The following ADAM22 variants were observed in gnomAD, a reference collection of about 807,000 sequenced individuals.
ADAM22 encodes the protein disintegrin and metalloproteinase domain-containing protein 22.
ADAM22 carries 65 observed loss-of-function variants against 144.6 expected under a neutral mutation model. The ratio of observed to expected loss-of-function variants is 0.45; its 90% CI spans 0.37 to 0.55. The LOEUF (loss-of-function observed/expected upper bound fraction) is 0.55. Ranked by LOEUF, ADAM22 falls within the 20% of genes least tolerant of loss-of-function variation. The pLI is 0.00. For synonymous variants in ADAM22, 391 were observed against 412.6 expected (o/e 0.95, Z 0.63); for missense variants, 974 against 1,184.9 (o/e 0.82, Z 2.61).
chr7:88,032,715 C>T (rs1800593047), intron 3 of ADAM22, among the ~76,000 whole-genome samples: 1 of 152,022 alleles, frequency 6.6e-6, no homozygotes, highest in South Asian at 2.1e-4. Context: ...AATTATAATT[C>T]CCAGTGTTGG....
chr7:87,978,221 T>C (rs1360987326), intron 2 of ADAM22, 115 bp from the exon 3 acceptor site: 2 of 805,474 alleles, frequency 2.5e-6, no homozygotes, highest in Non-Finnish European at 3.9e-6. Context: ...TTATTCTCCA[T>C]GTTGAATTAT....
chr7:87,955,621 C>T (rs1846473493), intron 2 of ADAM22, among the ~76,000 whole-genome samples: 1 of 152,198 alleles, frequency 6.6e-6, no homozygotes, highest in South Asian at 2.1e-4. Context: ...GTTCTCAGAT[C>T]TCCAGCTGCG....
At chr7:87,958,624 T>A (rs1014840438) in intron 2 of ADAM22, among the ~76,000 whole-genome samples, 11 of 152,142 alleles carry the variant, frequency 7.2e-5, no homozygotes, top group Admixed American at 5.2e-4. Context: ...GACCCTGTGA[T>A]CTGCCCTCTT....
intron 4 of ADAM22, among the ~76,000 whole-genome samples, chr7:88,077,919 A>C (rs191897172): frequency 6.6e-6 from 1 of 152,210 alleles, no homozygotes; most frequent in African/African-American, 2.4e-5. Flanking sequence ...CTCTGGGGGC[A>C]GGGCACAGAC....
chr7:87,965,786 C>T, intron 2 of ADAM22, among the ~76,000 whole-genome samples: 1 of 152,212 alleles, frequency 6.6e-6, no homozygotes, highest in East Asian at 1.9e-4. Flanking sequence ...ATTATTTGGA[C>T]ATGGCTTACT....
intron 3 of ADAM22, among the ~76,000 whole-genome samples, chr7:88,017,150 AT>A (rs1796714557): frequency 6.6e-6 from 1 of 152,190 alleles, no homozygotes; most frequent in Non-Finnish European, 1.5e-5. Context: ...AAAATTAAAA[AT>A]AAAAAAATAC....
chr7:88,067,715 C>G (rs1178210428), intron 3 of ADAM22, among the ~76,000 whole-genome samples: 1 of 152,076 alleles, frequency 6.6e-6, no homozygotes, highest in Non-Finnish European at 1.5e-5. Context: ...ATGATAGTGG[C>G]AGGCTCAGCT....
At chr7:87,973,791 A>G (rs1271444820) in intron 2 of ADAM22, among the ~76,000 whole-genome samples, 2 of 152,310 alleles carry the variant, frequency 1.3e-5, no homozygotes, top group African/African-American at 4.8e-5. Flanking sequence ...CTTTGTAGGG[A>G]CATGGATGAA....
At chr7:88,012,996 G>A (rs865934690) in intron 3 of ADAM22, among the ~76,000 whole-genome samples, 1 of 152,172 alleles carries the variant, frequency 6.6e-6, no homozygotes, top group Non-Finnish European at 1.5e-5. Context: ...CGGGGGACCA[G>A]GGAAATCTTC....
At chr7:88,032,994 A>G (rs889482056) in intron 3 of ADAM22, among the ~76,000 whole-genome samples, 5 of 152,340 alleles carry the variant, frequency 3.3e-5, no homozygotes, top group African/African-American at 7.2e-5. Context: ...TCTTTTCTAC[A>G]TAAATTACCC....
chr7:88,056,729 A>G (rs1458746659), intron 3 of ADAM22, among the ~76,000 whole-genome samples: 3 of 152,218 alleles, frequency 2.0e-5, no homozygotes, highest in Admixed American at 6.5e-5. Flanking sequence ...GTAATTTTCC[A>G]CAAGAAAATT....
At chr7:88,017,946 A>G (rs1395676694) in intron 3 of ADAM22, among the ~76,000 whole-genome samples, 1 of 152,120 alleles carries the variant, frequency 6.6e-6, no homozygotes, top group Non-Finnish European at 1.5e-5. Context: ...AATGAAGGAA[A>G]ACCTTCACAA....
chr7:88,078,479 G>A (rs952070365), intron 4 of ADAM22, among the ~76,000 whole-genome samples: 1 of 152,230 alleles, frequency 6.6e-6, no homozygotes, highest in African/African-American at 2.4e-5. Flanking sequence ...CGCCAGCAAC[G>A]GAACAAAGCT....
chr7:88,180,952 C>CTA (rs1158755632), intron 27 of ADAM22, among the ~76,000 whole-genome samples: 3 of 152,080 alleles, frequency 2.0e-5, no homozygotes, highest in African/African-American at 7.2e-5. Context: ...CCAACATGTA[C>CTA]TACACTTTTT....
chr7:88,180,209 G>A (rs1846659725), intron 27 of ADAM22, among the ~76,000 whole-genome samples: 2 of 152,032 alleles, frequency 1.3e-5, no homozygotes, highest in Admixed American at 1.3e-4. Flanking sequence ...AAAGGAGTAT[G>A]TTTCTACAGA....
intron 3 of ADAM22, among the ~76,000 whole-genome samples, chr7:88,057,473 A>G (rs1808592713): frequency 6.6e-6 from 1 of 152,240 alleles, no homozygotes; most frequent in African/African-American, 2.4e-5. Flanking sequence ...CCAAAAGATA[A>G]GCTTTAATTA....
chr7:88,010,584 C>T (rs11981493), intron 3 of ADAM22, among the ~76,000 whole-genome samples: 3,481 of 152,172 alleles, frequency 0.023, 138 homozygotes, highest in African/African-American at 0.079. Context: ...TCTGAAAGGC[C>T]TAAAGGAACT....
At chr7:88,194,649 T>G (rs1021242842) in intron 31 of ADAM22, among the ~76,000 whole-genome samples, 1 of 152,218 alleles carries the variant, frequency 6.6e-6, no homozygotes, top group Non-Finnish European at 1.5e-5. Flanking sequence ...CCAATGTTGT[T>G]CATTTGTCCC....
chr7:88,177,030 G>C (rs182419943), intron 26 of ADAM22, among the ~76,000 whole-genome samples: 20 of 152,302 alleles, frequency 1.3e-4, no homozygotes, highest in African/African-American at 4.3e-4. Context: ...CTCCCATAGT[G>C]CTGGGATTAC....
Sources: allele counts gnomAD v4.1 joint callset (sites outside exome capture counted in the v4.1 genomes callset), GRCh38; gene constraint gnomAD v4.1.1; transcripts MANE v1.5; gene names NCBI Gene and HGNC (gene_info 2026-07-23, HGNC 2026-07-21).